The following NDRG3 variants were observed in gnomAD, a reference collection of about 807,000 sequenced individuals.
NDRG3 encodes the protein protein NDRG3.
NDRG3 carries 23 observed loss-of-function variants against 57.2 expected under a neutral mutation model. The ratio of observed to expected loss-of-function variants is 0.40; its 90% CI spans 0.29 to 0.57. The LOEUF (loss-of-function observed/expected upper bound fraction) is 0.57, where lower values mean the gene tolerates loss of function less well. Ranked by LOEUF, NDRG3 falls within the 20% of genes least tolerant of loss-of-function variation. NDRG3 has a pLI of 0.42. For synonymous variants in NDRG3, 132 were observed against 162.6 expected (o/e 0.81, Z 1.43); for missense variants, 384 against 457.3 (o/e 0.84, Z 1.46).
chr20:36,678,440 C>T (rs780242092), intron 8 of NDRG3, among the ~76,000 whole-genome samples: 17 of 152,084 alleles, frequency 1.1e-4, no homozygotes, highest in Non-Finnish European at 2.2e-4. Context: ...CCCAGCACTT[C>T]GGGAGGCTGA....
At chr20:36,656,449 A>G (rs1388562580) in intron 14 of NDRG3, 38 bp from the exon 15 acceptor site, 2 of 1,614,174 alleles carry the variant, frequency 1.2e-6, no homozygotes, top group East Asian at 2.2e-5. Flanking sequence ...ATTTTTGCAT[A>G]GACAGAGAAG....
At chr20:36,694,965 C>T (rs866039814) in intron 3 of NDRG3, among the ~76,000 whole-genome samples, 1 of 152,100 alleles carries the variant, frequency 6.6e-6, no homozygotes, top group Non-Finnish European at 1.5e-5. Context: ...ACCATATTGC[C>T]CAGTGTTGCA....
intron 8 of NDRG3, among the ~76,000 whole-genome samples, chr20:36,676,395 TG>T (rs1293838389): frequency 2.6e-5 from 4 of 152,244 alleles, no homozygotes; most frequent in Non-Finnish European, 4.4e-5. Flanking sequence ...ACATAACATT[TG>T]TACTTCATCA....
chr20:36,721,770 A>G lies in NDRG3; in HGVS notation c.-35T>C. The G allele has an allele frequency of 6.9e-7, 1 of 1,444,588 alleles. No individual in the cohort carries two copies. 89.5% of individuals were successfully genotyped at this position (1,444,588 alleles called of 1,614,324 possible). On this transcript the variant is annotated 5_prime_UTR_variant, in exon 2 of 16. Coordinates refer to ENST00000349004, the MANE Select transcript of NDRG3 (RefSeq NM_032013.4). ...TAACGAGAGTAGAGGAATCTCAAGA[A>G]TAAATCAGTAACTCTGAAACAGAAA... is the stretch of plus-strand genomic sequence containing the variant.
chr20:36,715,006 GTA>G (rs545495779), intron 2 of NDRG3, among the ~76,000 whole-genome samples: 949 of 26,504 alleles, frequency 0.036, 14 homozygotes, highest in Middle Eastern at 0.094. Context: ...GTGTGTGTGT[GTA>G]TATATATATA....
At chr20:36,719,687 C>T (rs1298413371) in intron 2 of NDRG3, among the ~76,000 whole-genome samples, 5 of 151,856 alleles carry the variant, frequency 3.3e-5, no homozygotes, top group Non-Finnish European at 2.9e-5. Context: ...CCCGCCCCTC[C>T]GCCCATCCAT....
intron 1 of NDRG3, among the ~76,000 whole-genome samples, chr20:36,734,635 C>G (rs917786450): frequency 6.6e-6 from 1 of 152,038 alleles, no homozygotes; most frequent in African/African-American, 2.4e-5. Flanking sequence ...AACTCAAAGG[C>G]AGTTTCTCAA....
intron 6 of NDRG3, among the ~76,000 whole-genome samples, chr20:36,683,390 G>T (rs1981486628): frequency 6.6e-6 from 1 of 151,780 alleles, no homozygotes; most frequent in Admixed American, 6.6e-5. Context: ...AAGGCAGGTG[G>T]ATCATTGAAG....
At chr20:36,688,940 TC>T (rs1982030774) in intron 3 of NDRG3, among the ~76,000 whole-genome samples, 156 bp from the exon 4 acceptor site, 1 of 152,170 alleles carries the variant, frequency 6.6e-6, no homozygotes, top group Non-Finnish European at 1.5e-5. Flanking sequence ...ACGCCTGTAA[TC>T]CCAGCACTTT....
intron 6 of NDRG3, among the ~76,000 whole-genome samples, chr20:36,684,161 T>C (rs1981574420): frequency 6.6e-6 from 1 of 152,198 alleles, no homozygotes; most frequent in Non-Finnish European, 1.5e-5. Flanking sequence ...TCAGCGTGTG[T>C]GCCACCTTCC....
chr20:36,683,408 G>T (rs1981488534), intron 6 of NDRG3, among the ~76,000 whole-genome samples: 1 of 151,584 alleles, frequency 6.6e-6, no homozygotes, highest in South Asian at 2.1e-4. Context: ...AAGGTGAGGA[G>T]TTCGAGGTCA....
intron 10 of NDRG3, among the ~76,000 whole-genome samples, chr20:36,665,692 G>A (rs955363621): frequency 6.6e-6 from 1 of 152,062 alleles, no homozygotes; most frequent in Non-Finnish European, 1.5e-5. Flanking sequence ...TCCGCCTCCC[G>A]GGTTCAAGCG....
At chr20:36,685,111 G>C (rs1436784395) in intron 5 of NDRG3, among the ~76,000 whole-genome samples, 1 of 151,996 alleles carries the variant, frequency 6.6e-6, no homozygotes, top group Admixed American at 6.6e-5. Flanking sequence ...TTGGAGTCCA[G>C]GCTCAGTAAA....
intron 3 of NDRG3, among the ~76,000 whole-genome samples, chr20:36,704,629 C>G (rs1330750333): frequency 6.6e-6 from 1 of 152,104 alleles, no homozygotes; most frequent in African/African-American, 2.4e-5. Flanking sequence ...CAATCCAACC[C>G]AAACTTGACT....
chr20:36,740,168 C>T (rs1312180929), intron 1 of NDRG3, among the ~76,000 whole-genome samples: 1 of 152,160 alleles, frequency 6.6e-6, no homozygotes, highest in Non-Finnish European at 1.5e-5. Flanking sequence ...TAAAAAGTGG[C>T]ATCTCCACAC....
At chr20:36,674,982 C>A (rs933373558) in intron 8 of NDRG3, among the ~76,000 whole-genome samples, 2 of 148,068 alleles carry the variant, frequency 1.4e-5, no homozygotes, top group African/African-American at 5.0e-5. Context: ...ACAGCCTCGA[C>A]CTGCTGGGTT....
chr20:36,739,133 TC>T (rs1257625885), intron 1 of NDRG3, among the ~76,000 whole-genome samples: 3,285 of 31,448 alleles, frequency 0.1, 867 homozygotes, highest in African/African-American at 0.26. Flanking sequence ...AGACCCCATC[TC>T]AAAAAAAAAA....
chr20:36,676,189 G>A (rs1034836955), intron 8 of NDRG3, among the ~76,000 whole-genome samples: 1 of 151,890 alleles, frequency 6.6e-6, no homozygotes, highest in African/African-American at 2.4e-5. Flanking sequence ...GCAGTGAGCC[G>A]AGATAGTGCC....
Position 36,660,572 on chromosome 20 carries a change from T to TTTA in NDRG3, c.811-189_811-188insTAA, listed in dbSNP as rs1568622567. Among the ~76,000 whole-genome samples the TTTA allele has an allele frequency of 6.0e-3, 886 of 147,690 alleles. 5 individuals are homozygous for TTTA. Among genetic ancestry groups the TTTA allele is most frequent in the African/African-American group, 0.021 (823 of 38,948 alleles). ...TATTTATTTATTTATTTATTTATTT[T>TTTA]TTTTTTGAGACGGAGTCTCGCTCTG... On this transcript the variant is annotated intron_variant, in intron 12 of 15. Coordinates refer to ENST00000349004, the MANE Select transcript of NDRG3 (RefSeq NM_032013.4).
Sources: gnomAD v4.1 joint callset for allele counts (sites outside exome capture counted in the v4.1 genomes callset) on GRCh38, gnomAD v4.1.1 for gene constraint, MANE v1.5 for transcripts, NCBI Gene and HGNC (gene_info 2026-07-23, HGNC 2026-07-21) for gene names.